The following KATNAL2 variants were observed in gnomAD, a reference collection of about 807,000 sequenced individuals.
KATNAL2 encodes katanin p60 ATPase-containing subunit A-like 2.
In KATNAL2, 52 loss-of-function variants were observed where a neutral mutation model predicts 76.3. That is an observed-to-expected ratio of 0.68 (90% CI 0.55 to 0.86). KATNAL2 has a LOEUF of 0.86. Among genes scored for constraint, KATNAL2 ranks in the 40% least tolerant of loss-of-function variants. The probability of loss-of-function intolerance (pLI) is 0.00; values close to 1 mark genes in which losing one functional copy is unlikely to be tolerated. For synonymous variants in KATNAL2, 243 were observed against 244.2 expected (o/e 1.00, Z 0.05); for missense variants, 660 against 668.9 (o/e 0.99, Z 0.15).
chr18:46,922,096 CCTCA>C (rs2058578661), intron 1 of KATNAL2, among the ~76,000 whole-genome samples: 1 of 150,996 alleles, frequency 6.6e-6, no homozygotes, highest in Admixed American at 6.6e-5. Flanking sequence ...AAAAATTTTT[CCTCA>C]CTTTTTTTTT....
chr18:47,066,671 A>AACCAT (rs2061802245), intron 10 of KATNAL2, among the ~76,000 whole-genome samples: 1 of 151,800 alleles, frequency 6.6e-6, no homozygotes, highest in Non-Finnish European at 1.5e-5. Context: ...TTATGGTTAT[A>AACCAT]AATCAGCATG....
At chr18:46,925,324 C>T (rs2058695382) in intron 1 of KATNAL2, among the ~76,000 whole-genome samples, 1 of 152,144 alleles carries the variant, frequency 6.6e-6, no homozygotes, top group Non-Finnish European at 1.5e-5. Context: ...GCCTTTTCTG[C>T]ATCTATTGAG....
At position 47,078,405 on chromosome 18, in the gene KATNAL2, C is replaced by A. The variant is rs1449253279; in HGVS notation, c.1211+944C>A. On this transcript the variant is annotated intron_variant, in intron 15 of 17. Coordinates refer to ENST00000683218, the MANE Select transcript of KATNAL2 (RefSeq NM_001387690.1). ...TCATAATTTAAACCTGGCTCCACCT[C>A]CCCTTGAATCTAGAATACTTTCTCT... Among the ~76,000 whole-genome samples the A allele has an allele frequency of 2.0e-5, 3 of 152,292 alleles. No individual in the cohort carries two copies. The East Asian group carries it at 5.8e-4, about 29-fold the overall frequency.
intron 15 of KATNAL2, among the ~76,000 whole-genome samples, chr18:47,094,986 G>T (rs2063167323): frequency 6.6e-6 from 1 of 152,168 alleles, no homozygotes; most frequent in Non-Finnish European, 1.5e-5. Flanking sequence ...AAAGGTAGAA[G>T]AAGATACTGC....
chr18:47,094,862 T>C (rs933602623), intron 15 of KATNAL2, among the ~76,000 whole-genome samples: 9 of 152,158 alleles, frequency 5.9e-5, no homozygotes, highest in South Asian at 2.1e-4. Context: ...TACCAAGGTA[T>C]GGGAGAGGCA....
At chr18:47,087,031 T>C (rs2062806546) in intron 15 of KATNAL2, among the ~76,000 whole-genome samples, 1 of 152,170 alleles carries the variant, frequency 6.6e-6, no homozygotes, top group Admixed American at 6.5e-5. Context: ...AATAGGAGAA[T>C]TAGAAAAAAT....
At chr18:47,061,063 A>G (rs2061616591) in intron 8 of KATNAL2, among the ~76,000 whole-genome samples, 1 of 152,218 alleles carries the variant, frequency 6.6e-6, no homozygotes, top group African/African-American at 2.4e-5. Flanking sequence ...CAAAGGCACA[A>G]TGTAGATGGC....
intron 4 of KATNAL2, among the ~76,000 whole-genome samples, chr18:47,052,488 C>T (rs1045552294): frequency 1.3e-5 from 2 of 152,096 alleles, no homozygotes; most frequent in African/African-American, 4.8e-5. Flanking sequence ...CAAATGTTAC[C>T]TAAAATGAAT....
intron 1 of KATNAL2, among the ~76,000 whole-genome samples, chr18:46,919,005 ATATGTG>A (rs149085712): frequency 0.013 from 1,868 of 147,246 alleles, 33 homozygotes; most frequent in African/African-American, 0.045. Flanking sequence ...GTATATATAT[ATATGTG>A]TGTGTGTGTG....
intron 1 of KATNAL2, among the ~76,000 whole-genome samples, chr18:46,945,494 C>T (rs890558877): frequency 5.9e-5 from 9 of 152,126 alleles, no homozygotes; most frequent in Admixed American, 1.3e-4. Context: ...AAGCAGTTCG[C>T]TTGTGTTAGA....
At chr18:46,936,378 A>C (rs1177686845) in intron 1 of KATNAL2, among the ~76,000 whole-genome samples, 2 of 152,202 alleles carry the variant, frequency 1.3e-5, no homozygotes, top group Non-Finnish European at 2.9e-5. Context: ...TTAAGCTAGA[A>C]GTCAATAATG....
At chr18:46,927,458 T>G (rs185284662) in intron 1 of KATNAL2, among the ~76,000 whole-genome samples, 3 of 152,186 alleles carry the variant, frequency 2.0e-5, no homozygotes, top group Non-Finnish European at 2.9e-5. Context: ...ACATCAGCAG[T>G]TAGTCTGATG....
At chr18:47,037,324 T>C (rs997538199) in intron 3 of KATNAL2, among the ~76,000 whole-genome samples, 5 of 152,218 alleles carry the variant, frequency 3.3e-5, no homozygotes, top group Admixed American at 1.3e-4. Context: ...GGAGGTATAT[T>C]TGTGGCACAA....
At chr18:46,942,930 G>A (rs539876442) in intron 1 of KATNAL2, among the ~76,000 whole-genome samples, 32 of 151,990 alleles carry the variant, frequency 2.1e-4, no homozygotes, top group African/African-American at 5.8e-4. Context: ...AAAGAATGCC[G>A]GGTTTTATTT....
chr18:47,086,960 G>A (rs781682172), intron 15 of KATNAL2, among the ~76,000 whole-genome samples: 5 of 152,164 alleles, frequency 3.3e-5, no homozygotes, highest in East Asian at 1.9e-4. Flanking sequence ...GTTGACATGC[G>A]AATCATACAT....
intron 3 of KATNAL2, chr18:47,033,303 A>G (rs1478013167): frequency 6.2e-7 from 1 of 1,613,582 alleles, no homozygotes; most frequent in Admixed American, 1.7e-5. Flanking sequence ...GCCTCCTTGA[A>G]GTATCATAAG....
At chr18:47,062,693 A>G (rs1209929879) in intron 8 of KATNAL2, among the ~76,000 whole-genome samples, 2 of 152,196 alleles carry the variant, frequency 1.3e-5, no homozygotes, top group African/African-American at 2.4e-5. Flanking sequence ...TCAACATATA[A>G]GGGAGGAAGC....
chr18:47,058,345 C>G lies in KATNAL2; in HGVS notation c.443C>G (p.Pro148Arg). Residue 148 changes from proline to arginine, a missense_variant, in exon 7 of 18, where the codon CCT becomes CGT. By Grantham distance (103) the Pro-to-Arg change is moderately radical (BLOSUM62 -2). Coordinates refer to ENST00000683218, the MANE Select transcript of KATNAL2 (RefSeq NM_001387690.1). ...GDTKSLNKEH[P>R]NQEVVDNTRL... Reference sequence around the variant, plus strand: ...ACCAAATCGCTCAATAAGGAGCATCCTAATCAGGTCAGGATGGCTTGGCTT... The same window carrying G: ...ACCAAATCGCTCAATAAGGAGCATCGTAATCAGGTCAGGATGGCTTGGCTT... 1.2e-6 allele frequency: 2 copies of G among 1,604,430 alleles called. No homozygotes were observed. Among genetic ancestry groups the G allele is most frequent in the African/African-American group, 1.3e-5 (1 of 74,852 alleles).
At chr18:46,947,059 C>T (rs2059402551) in intron 3 of KATNAL2, 136 bp downstream of exon 3, 5 of 691,912 alleles carry the variant, frequency 7.2e-6, no homozygotes, top group Non-Finnish European at 1.0e-5. Flanking sequence ...GAGAGGCGCT[C>T]GGCCGAGGTG....
Sources: allele counts gnomAD v4.1 joint callset (sites outside exome capture counted in the v4.1 genomes callset), GRCh38; gene constraint gnomAD v4.1.1; transcripts MANE v1.5; gene names NCBI Gene and HGNC (gene_info 2026-07-23, HGNC 2026-07-21).